Variants in ADGRL2 observed in about 807,000 individuals in gnomAD.
ADGRL2 encodes calcium-independent alpha-latrotoxin receptor 2.
ADGRL2 carries 44 observed loss-of-function variants against 157.4 expected under a neutral mutation model. That is an observed-to-expected ratio of 0.28 (90% CI 0.22 to 0.36). The LOEUF is 0.36. Among genes scored for constraint, ADGRL2 ranks in the 10% least tolerant of loss-of-function variants. The pLI, the probability that ADGRL2 is intolerant of heterozygous loss-of-function variation, is 1.00. For missense variants in ADGRL2, 1,510 were observed against 1,768.9 expected (o/e 0.85, Z 2.63); for synonymous variants, 585 against 624.7 (o/e 0.94, Z 0.95).
intron 1 of ADGRL2, among the ~76,000 whole-genome samples, chr1:81,716,357 C>A (rs1570937840): frequency 6.6e-6 from 1 of 152,284 alleles, no homozygotes; most frequent in East Asian, 1.9e-4. Context: ...ATAATACTTA[C>A]TCCCCGGTGT....
intron 18 of ADGRL2, 39 bp downstream of exon 18, chr1:81,979,999 T>C: frequency 9.1e-7 from 1 of 1,098,056 alleles, no homozygotes; most frequent in Non-Finnish European, 1.4e-6. Flanking sequence ...CTTGACAAAC[T>C]AAGTAAAAGA....
intron 3 of ADGRL2, among the ~76,000 whole-genome samples, chr1:81,927,099 A>C (rs1196926098): frequency 9.9e-5 from 15 of 151,986 alleles, no homozygotes; most frequent in African/African-American, 3.4e-4. Flanking sequence ...ATTCTGGCAT[A>C]ATATTTTACT....
chr1:81,429,663 T>A (rs937475775), intron 1 of ADGRL2, among the ~76,000 whole-genome samples: 2 of 152,196 alleles, frequency 1.3e-5, no homozygotes, highest in Non-Finnish European at 2.9e-5. Context: ...GGTTTCCATA[T>A]ACCAAACAGT....
chr1:81,439,515 A>T (rs2077469227), intron 1 of ADGRL2, among the ~76,000 whole-genome samples: 1 of 152,210 alleles, frequency 6.6e-6, no homozygotes, highest in African/African-American at 2.4e-5. Context: ...GCCAGGGTCA[A>T]TCCCTTGCAG....
intron 2 of ADGRL2, among the ~76,000 whole-genome samples, chr1:81,535,745 A>G (rs1410718754): frequency 1.3e-5 from 2 of 152,174 alleles, no homozygotes; most frequent in Non-Finnish European, 2.9e-5. Context: ...TAAGACACTC[A>G]ATGATGATAA....
chr1:81,843,732 A>C (rs978699769), intron 2 of ADGRL2, among the ~76,000 whole-genome samples: 1 of 152,216 alleles, frequency 6.6e-6, no homozygotes, highest in African/African-American at 2.4e-5. Context: ...AATCGGATAC[A>C]CTGGCATCTT....
chr1:81,662,664 C>T (rs1472917799), intron 3 of ADGRL2, among the ~76,000 whole-genome samples: 3 of 151,948 alleles, frequency 2.0e-5, no homozygotes, highest in Non-Finnish European at 2.9e-5. Context: ...AAGCGATTCT[C>T]CTACCTCAGC....
intron 2 of ADGRL2, among the ~76,000 whole-genome samples, chr1:81,853,800 A>G (rs922783889): frequency 3.9e-5 from 6 of 152,106 alleles, no homozygotes; most frequent in African/African-American, 1.4e-4. Flanking sequence ...TTCATAATAT[A>G]CTATGATGTT....
At chr1:81,602,169 G>A (rs1158792968) in intron 3 of ADGRL2, among the ~76,000 whole-genome samples, 1 of 152,178 alleles carries the variant, frequency 6.6e-6, no homozygotes, top group Non-Finnish European at 1.5e-5. Flanking sequence ...TTAAAATGAA[G>A]TGACCAGTGG....
At chr1:81,924,145 A>G (rs2095050329) in intron 3 of ADGRL2, among the ~76,000 whole-genome samples, 2 of 152,286 alleles carry the variant, frequency 1.3e-5, no homozygotes, top group Admixed American at 6.5e-5. Flanking sequence ...TTCTTCCCGC[A>G]TATGTGTGTG....
At chr1:81,695,420 G>A (rs1321023713), upstream of ADGRL2, among the ~76,000 whole-genome samples, 3 of 151,978 alleles carry the variant, frequency 2.0e-5, no homozygotes, top group African/African-American at 4.8e-5. Context: ...TACTAAATTG[G>A]GATCATTGAC....
intron 3 of ADGRL2, among the ~76,000 whole-genome samples, chr1:81,629,379 A>G (rs2081968267): frequency 6.6e-6 from 1 of 152,156 alleles, no homozygotes; most frequent in Non-Finnish European, 1.5e-5. Flanking sequence ...GACACTATCT[A>G]AGGCAGTATT....
At chr1:81,971,011 A>G (rs1487015568) in intron 16 of ADGRL2, among the ~76,000 whole-genome samples, 1 of 152,154 alleles carries the variant, frequency 6.6e-6, no homozygotes, top group African/African-American at 2.4e-5. Flanking sequence ...TGAAAGGATT[A>G]AAATAAGTCA....
chr1:81,658,719 A>G (rs2148870208), intron 3 of ADGRL2, among the ~76,000 whole-genome samples: 1 of 152,134 alleles, frequency 6.6e-6, no homozygotes, highest in South Asian at 2.1e-4. Flanking sequence ...CCTACTGTTA[A>G]TATGCAACTA....
intron 2 of ADGRL2, among the ~76,000 whole-genome samples, chr1:81,550,429 G>T (rs901676054): frequency 1.3e-5 from 2 of 152,186 alleles, no homozygotes; most frequent in African/African-American, 4.8e-5. Context: ...ACATCGGGCT[G>T]TTCTACCAAC....
chr1:81,413,450 TA>T (rs907038638), intron 1 of ADGRL2, among the ~76,000 whole-genome samples: 53 of 149,524 alleles, frequency 3.5e-4, no homozygotes, highest in African/African-American at 5.9e-4. Flanking sequence ...TAATTTCACT[TA>T]AAAAAAAAAG....
intron 3 of ADGRL2, among the ~76,000 whole-genome samples, chr1:81,660,274 G>T (rs946617523): frequency 3.9e-5 from 6 of 152,266 alleles, no homozygotes; most frequent in African/African-American, 1.2e-4. Flanking sequence ...GTAATAATAT[G>T]CTGTCTTTTG....
chr1:81,532,972 C>CATCT (rs142768526), intron 2 of ADGRL2, among the ~76,000 whole-genome samples: 53 of 137,600 alleles, frequency 3.9e-4, no homozygotes, highest in South Asian at 8.8e-4. Context: ...ATCTATCTAT[C>CATCT]ATCTATCTAT....
At chr1:81,981,597 G>T (rs957571127) in intron 18 of ADGRL2, among the ~76,000 whole-genome samples, 2 of 151,892 alleles carry the variant, frequency 1.3e-5, no homozygotes, top group Non-Finnish European at 1.5e-5. Context: ...ATAAGAAAAG[G>T]TCATACCTGC....
Sources: allele counts gnomAD v4.1 joint callset (sites outside exome capture counted in the v4.1 genomes callset), GRCh38; gene constraint gnomAD v4.1.1; transcripts MANE v1.5; gene names NCBI Gene and HGNC (gene_info 2026-07-23, HGNC 2026-07-21).